Variants in FSTL4 observed in about 807,000 individuals in gnomAD.
FSTL4 encodes the protein follistatin like 4.
In FSTL4, 28 loss-of-function variants were observed where a neutral mutation model predicts 78.2. The ratio of observed to expected loss-of-function variants is 0.36; its 90% confidence interval spans 0.27 to 0.49. The LOEUF (loss-of-function observed/expected upper bound fraction) is 0.49. FSTL4 is among the 20% of genes least tolerant of loss of function. The probability of loss-of-function intolerance (pLI) is 0.98; values close to 1 mark genes in which losing one functional copy is unlikely to be tolerated. For synonymous variants in FSTL4, 422 were observed against 440.5 expected (o/e 0.96, Z 0.53); for missense variants, 922 against 1,084.9 (o/e 0.85, Z 2.11).
intron 3 of FSTL4, among the ~76,000 whole-genome samples, chr5:133,423,398 T>C (rs942543837): frequency 6.6e-6 from 1 of 152,148 alleles, no homozygotes; most frequent in Non-Finnish European, 1.5e-5. Context: ...CTCTCTTGGG[T>C]CCTTCCTGCC....
intron 4 of FSTL4, among the ~76,000 whole-genome samples, chr5:133,365,357 T>C (rs1755161023): frequency 6.6e-6 from 1 of 152,228 alleles, no homozygotes; most frequent in Non-Finnish European, 1.5e-5. Context: ...TGCTTTTTAA[T>C]AGTTTTCTGG....
chr5:133,382,633 G>A (rs1755600620), intron 4 of FSTL4, among the ~76,000 whole-genome samples: 1 of 152,130 alleles, frequency 6.6e-6, no homozygotes, highest in Non-Finnish European at 1.5e-5. Flanking sequence ...GACCATGAAC[G>A]GTCAGATGGC....
At chr5:133,405,573 C>T (rs1756341828) in intron 3 of FSTL4, among the ~76,000 whole-genome samples, 1 of 152,232 alleles carries the variant, frequency 6.6e-6, no homozygotes. Flanking sequence ...CGAGGCTTTG[C>T]CTGCGGAAGA....
At chr5:133,344,680 T>A (rs1478586574) in intron 4 of FSTL4, among the ~76,000 whole-genome samples, 1 of 152,224 alleles carries the variant, frequency 6.6e-6, no homozygotes, top group Non-Finnish European at 1.5e-5. Context: ...GGATAGCACA[T>A]ACGTATTCTT....
intron 4 of FSTL4, among the ~76,000 whole-genome samples, chr5:133,330,335 C>T (rs761050688): frequency 7.9e-5 from 12 of 152,132 alleles, no homozygotes; most frequent in Non-Finnish European, 1.2e-4. Flanking sequence ...GGATGTATAG[C>T]GCTGGCAACA....
chr5:133,477,396 T>C (rs1382913801), intron 3 of FSTL4, among the ~76,000 whole-genome samples: 1 of 152,264 alleles, frequency 6.6e-6, no homozygotes, highest in Non-Finnish European at 1.5e-5. Flanking sequence ...TTCAATAGAC[T>C]ACCATTATGT....
chr5:133,629,651 A>C, the FSTL4 span, among the ~76,000 whole-genome samples: 66,597 of 152,068 alleles, frequency 0.44, 14,746 homozygotes, highest in South Asian at 0.53. Flanking sequence ...TTTTATGAGG[A>C]CAGCATCAAG....
chr5:133,471,091 A>G (rs1010643176), intron 3 of FSTL4, among the ~76,000 whole-genome samples: 2 of 152,250 alleles, frequency 1.3e-5, no homozygotes, highest in Non-Finnish European at 2.9e-5. Context: ...ACAAAGTCAG[A>G]CACATCATTG....
intron 4 of FSTL4, among the ~76,000 whole-genome samples, chr5:133,379,889 A>G (rs1755524764): frequency 6.6e-6 from 1 of 152,040 alleles, no homozygotes; most frequent in Non-Finnish European, 1.5e-5. Context: ...ATCCTGGCCA[A>G]CATGGTGAAA....
the FSTL4 span, among the ~76,000 whole-genome samples, chr5:133,715,817 G>A: frequency 6.6e-6 from 1 of 152,210 alleles, no homozygotes; most frequent in Non-Finnish European, 1.5e-5. Flanking sequence ...AGACTCTCAT[G>A]CAGCCCACAC....
In FSTL4 at chr5:133,239,356, C is replaced by T. The variant is rs544586986; in HGVS notation, c.895-5819G>A. Among the ~76,000 whole-genome samples, 82 of 152,306 alleles carry T rather than the reference C, an allele frequency of 5.4e-4. 1 individual carries two copies. Among genetic ancestry groups the T allele is most frequent in the Non-Finnish European group, 9.6e-4 (65 of 68,018 alleles). ...GGCTGAGGAGTGCGGGCGCACGGCA[C>T]GGGACTGGCAGGCAGCTCCACCTGC... On this transcript the variant is annotated intron_variant, in intron 7 of 15. Transcript: ENST00000265342.
At position 133,224,226 on chromosome 5, in the gene FSTL4, C is replaced by T. The variant is rs370589149; in HGVS notation, c.1313-10G>A. 1.2e-6 allele frequency: 2 copies of T among 1,611,064 alleles called. No homozygotes were observed. Among genetic ancestry groups the T allele is most frequent in the Non-Finnish European group, 1.7e-6 (2 of 1,177,412 alleles). On this transcript the variant is annotated splice_polypyrimidine_tract_variant and intron_variant, in intron 10 of 15. Coordinates refer to ENST00000265342, the MANE Select transcript of FSTL4 (RefSeq NM_015082.2). ...CACAGGATGTTTGCAACTGCAGCAGCAGAGAATGAGGAAAGCAGGAGTGTG... is the reference window on the plus strand; with the variant it reads ...CACAGGATGTTTGCAACTGCAGCAGTAGAGAATGAGGAAAGCAGGAGTGTG...
At chr5:133,653,664 A>C in the FSTL4 span, among the ~76,000 whole-genome samples, 1 of 152,216 alleles carries the variant, frequency 6.6e-6, no homozygotes, top group African/African-American at 2.4e-5. Flanking sequence ...GCAGTCCACC[A>C]CTGTCCATGC....
At chr5:133,392,666 G>A (rs1372291593) in intron 4 of FSTL4, among the ~76,000 whole-genome samples, 1 of 152,196 alleles carries the variant, frequency 6.6e-6, no homozygotes, top group African/African-American at 2.4e-5. Flanking sequence ...CTAGGAGGAT[G>A]CTGGGACAAC....
chr5:133,233,315 T>C, intron 8 of FSTL4, 102 bp downstream of exon 8: 1 of 1,287,436 alleles, frequency 7.8e-7, no homozygotes, highest in Admixed American at 1.9e-5. Flanking sequence ...TGGGGTTAGA[T>C]ATTTCTTTAA....
At chr5:133,827,022 C>G in the FSTL4 span, among the ~76,000 whole-genome samples, 1 of 152,254 alleles carries the variant, frequency 6.6e-6, no homozygotes, top group Non-Finnish European at 1.5e-5. Flanking sequence ...GACAGTCCCG[C>G]CCCAGGCCCA....
At chr5:133,387,202 T>A (rs1755720215) in intron 4 of FSTL4, among the ~76,000 whole-genome samples, 1 of 152,122 alleles carries the variant, frequency 6.6e-6, no homozygotes, top group African/African-American at 2.4e-5. Context: ...CCCTGACAAA[T>A]ATCTCTCCTA....
At chr5:133,646,154 G>C in the FSTL4 span, among the ~76,000 whole-genome samples, 1 of 152,146 alleles carries the variant, frequency 6.6e-6, no homozygotes, top group African/African-American at 2.4e-5. Context: ...TGCTTAGATA[G>C]AGAAAAATGC....
At chr5:133,465,602 G>T (rs1415533420) in intron 3 of FSTL4, among the ~76,000 whole-genome samples, 1 of 152,186 alleles carries the variant, frequency 6.6e-6, no homozygotes, top group African/African-American at 2.4e-5. Flanking sequence ...CTCTGGGCAG[G>T]GGGTGGGGAG....
Sources: gnomAD v4.1 joint callset for allele counts (sites outside exome capture counted in the v4.1 genomes callset) on GRCh38, gnomAD v4.1.1 for gene constraint, MANE v1.5 for transcripts, NCBI Gene and HGNC (gene_info 2026-07-23, HGNC 2026-07-21) for gene names.